MFAP5: variants seen among roughly 807,000 people sequenced by gnomAD.
The protein encoded by MFAP5 is microfibrillar-associated protein 5.
MFAP5 carries 19 observed loss-of-function variants against 30.1 expected under a neutral mutation model. The ratio of observed to expected loss-of-function variants is 0.63; its 90% confidence interval spans 0.44 to 0.93. The LOEUF is 0.93. MFAP5 is among the 40% of genes least tolerant of loss of function. The probability of loss-of-function intolerance (pLI) is 0.00; values close to 1 mark genes in which losing one functional copy is unlikely to be tolerated. For missense variants in MFAP5, 210 were observed against 221.3 expected (o/e 0.95, Z 0.32); for synonymous variants, 92 against 72.9 (o/e 1.26, Z -1.33).
In MFAP5 at chr12:8,647,520, T is replaced by C. The variant is rs747886259; in HGVS notation, c.*571A>G. ...TAGGATTGTATAATTCTTGACTGTG[T>C]TGCAGAATCTTACAGGACTACAAAA... On this transcript the variant is annotated 3_prime_UTR_variant, in exon 10 of 10. Transcript: ENST00000359478. The C allele has an allele frequency of 5.9e-5, 9 of 152,324 alleles. No homozygotes were observed. The highest frequency in any genetic ancestry group is 2.2e-4 in the African/African-American group (9 of 41,572). 9.4% of individuals were successfully genotyped at this position (152,324 alleles called of 1,614,324 possible).
intron 6 of MFAP5, among the ~76,000 whole-genome samples, chr12:8,653,457 T>A (rs886676027): frequency 6.6e-6 from 1 of 152,144 alleles, no homozygotes; most frequent in Non-Finnish European, 1.5e-5. Context: ...AATCTAATTA[T>A]AATCTTACCT....
chr12:8,655,366 A>C (rs1196909218), intron 5 of MFAP5, 49 bp downstream of exon 5: 2 of 1,441,634 alleles, frequency 1.4e-6, no homozygotes, highest in Non-Finnish European at 1.9e-6. Context: ...AATATTGTGA[A>C]TATTAACAAG....
chr12:8,648,344 A>C, intron 9 of MFAP5, 141 bp from the exon 10 acceptor site: 2 of 899,008 alleles, frequency 2.2e-6, no homozygotes, highest in Non-Finnish European at 3.3e-6. Flanking sequence ...CAGCTCTGCC[A>C]CTTACTTTAG....
In MFAP5 at chr12:8,655,883, C is replaced by A. The variant is rs192284098; in HGVS notation, c.95-53G>T. 4.0e-6 allele frequency: 6 copies of A among 1,503,112 alleles called. No individual in the cohort carries two copies. In the African/African-American group the frequency reaches 5.5e-5, roughly 14 times the overall value. The allele number at this position is 1,503,112 out of a possible 1,614,324, so 93.1% of individuals were successfully genotyped here. On this transcript the variant is annotated intron_variant, in intron 3 of 9. Coordinates refer to ENST00000359478, the MANE Select transcript of MFAP5 (RefSeq NM_003480.4). ...TGAGATTCTCTGTCTCCCTGCCACCCTTGCACTTCCAGTAAGTTAAATTGC... is the reference window on the plus strand; with the variant it reads ...TGAGATTCTCTGTCTCCCTGCCACCATTGCACTTCCAGTAAGTTAAATTGC...
chr12:8,652,711 C>T (rs1941870503), intron 6 of MFAP5, among the ~76,000 whole-genome samples: 1 of 152,182 alleles, frequency 6.6e-6, no homozygotes, highest in African/African-American at 2.4e-5. Context: ...TATTTCCAAC[C>T]TCATCTCTCT....
intron 2 of MFAP5, among the ~76,000 whole-genome samples, 162 bp downstream of exon 2, chr12:8,661,885 T>C (rs1279920114): frequency 2.6e-5 from 4 of 152,222 alleles, no homozygotes; most frequent in Non-Finnish European, 5.9e-5. Context: ...TCCTGAACTT[T>C]TTTTCTTAAC....
intron 2 of MFAP5, among the ~76,000 whole-genome samples, chr12:8,661,560 T>C (rs1447812676): frequency 6.6e-6 from 1 of 151,848 alleles, no homozygotes; most frequent in East Asian, 1.9e-4. Context: ...CTTTTTTTTT[T>C]TAATGGAGAT....
rs1942161506 is a variant in MFAP5 at position 8,661,905 on chromosome 12, G to C, written c.58+142C>G. ...AACTTTTTTTCTTAACACAAAATCT[G>C]TTCTTCTAATAGGAATTCCAGAGCT... is the stretch of plus-strand genomic sequence containing the variant. On this transcript the variant is annotated intron_variant, in intron 2 of 9. Transcript: ENST00000359478. The C allele has an allele frequency of 1.2e-5, 10 of 849,390 alleles. No homozygotes were observed. In the South Asian group the frequency reaches 1.5e-4, roughly 13 times the overall value. 52.6% of individuals were successfully genotyped at this position (849,390 alleles called of 1,614,324 possible). A position where few individuals can be genotyped will look rare whatever the true frequency, so the allele number is the denominator to read the frequency against.
intron 3 of MFAP5, 124 bp from the exon 4 acceptor site, chr12:8,655,954 C>T: frequency 1.3e-6 from 1 of 756,572 alleles, no homozygotes. Context: ...AATGTTTTTC[C>T]TTGACTGCTT....
chr12:8,657,152 T>G (rs760234258), intron 3 of MFAP5, among the ~76,000 whole-genome samples: 1 of 152,322 alleles, frequency 6.6e-6, no homozygotes, highest in East Asian at 1.9e-4. Flanking sequence ...CAATATAATT[T>G]ATATGTAAAT....
chr12:8,652,839 T>A (rs2136465524), intron 6 of MFAP5, among the ~76,000 whole-genome samples: 2 of 152,320 alleles, frequency 1.3e-5, no homozygotes, highest in South Asian at 4.1e-4. Flanking sequence ...CCTTCACTAA[T>A]TCTAGTTGTT....
In MFAP5 at chr12:8,655,402, C is replaced by T. The variant is rs759662203; in HGVS notation, c.172+13G>A. ...AACCATGCCATTTTTTTTTTAACTG[C>T]GGTAAAATTTACCTGTTTCATCTGT... On this transcript the variant is annotated intron_variant, in intron 5 of 9. Coordinates refer to ENST00000359478, the MANE Select transcript of MFAP5 (RefSeq NM_003480.4). The T allele has an allele frequency of 8.2e-6, 13 of 1,582,792 alleles. No homozygotes were observed. The highest frequency in any genetic ancestry group is 3.6e-5 in the Admixed American group (2 of 55,104).
intron 2 of MFAP5, 152 bp from the exon 3 acceptor site, chr12:8,661,050 A>G (rs760834986): frequency 1.1e-5 from 6 of 554,606 alleles, no homozygotes; most frequent in South Asian, 4.2e-5. Context: ...TACTGAGACC[A>G]TTAGTGCTAT....
chr12:8,649,901 C>A (rs934160500), intron 8 of MFAP5, among the ~76,000 whole-genome samples: 1 of 152,230 alleles, frequency 6.6e-6, no homozygotes, highest in African/African-American at 2.4e-5. Flanking sequence ...GTACACCGTA[C>A]CCAATGTGTA....
At chr12:8,653,809 C>T (rs1941905072) in intron 6 of MFAP5, among the ~76,000 whole-genome samples, 1 of 152,096 alleles carries the variant, frequency 6.6e-6, no homozygotes, top group Non-Finnish European at 1.5e-5. Context: ...CTTTTATATC[C>T]TTGGCACCTA....
chr12:8,653,254 C>T (rs1368474360), intron 6 of MFAP5, among the ~76,000 whole-genome samples: 1 of 151,980 alleles, frequency 6.6e-6, no homozygotes, highest in Non-Finnish European at 1.5e-5. Flanking sequence ...ATCCCCTCTC[C>T]CTTATAGCTC....
chr12:8,651,650 C>G lies in MFAP5; in HGVS notation c.247+12G>C. 6.2e-7 allele frequency: 1 copy of G among 1,613,688 alleles called. No homozygotes were observed. The highest frequency in any genetic ancestry group is 2.2e-5 in the East Asian group (1 of 44,860). ...AAAAAGGCTTAAGAAGGCATGCAAG[C>G]AACAATCATACCTGCAGTGGTATTT... On this transcript the variant is annotated intron_variant, in intron 7 of 9. Coordinates refer to ENST00000359478, the MANE Select transcript of MFAP5 (RefSeq NM_003480.4).
At chr12:8,658,510 T>C (rs972158473) in intron 3 of MFAP5, 5 of 152,182 alleles carry the variant, frequency 3.3e-5, no homozygotes, top group Non-Finnish European at 7.4e-5. Flanking sequence ...CACAGGATAT[T>C]TGAAAAACCA....
chr12:8,650,400 C>A, intron 8 of MFAP5, 102 bp downstream of exon 8: 1 of 1,142,972 alleles, frequency 8.7e-7, no homozygotes, highest in Non-Finnish European at 1.3e-6. Flanking sequence ...AAACTTTGGC[C>A]CCATCAAAGT....
Sources: gnomAD v4.1 joint callset for allele counts (sites outside exome capture counted in the v4.1 genomes callset) on GRCh38, gnomAD v4.1.1 for gene constraint, MANE v1.5 for transcripts, NCBI Gene and HGNC (gene_info 2026-07-23, HGNC 2026-07-21) for gene names.